The following MRPS7 variants were observed in gnomAD, a reference collection of about 807,000 sequenced individuals.
MRPS7 encodes small ribosomal subunit protein uS7m.
In MRPS7, 13 loss-of-function variants were observed where a neutral mutation model predicts 26.2. The ratio of observed to expected loss-of-function variants is 0.50; its 90% CI spans 0.32 to 0.79. MRPS7 has a LOEUF of 0.79. MRPS7 is among the 30% of genes least tolerant of loss of function. The probability of loss-of-function intolerance (pLI) is 0.03; values close to 1 mark genes in which losing one functional copy is unlikely to be tolerated. For synonymous variants in MRPS7, 129 were observed against 113.3 expected, an observed-to-expected ratio of 1.14 and a Z score of -0.88; for missense variants, 318 against 312.2, an observed-to-expected ratio of 1.02 and a Z score of -0.14.
Position 75,262,881 on chromosome 17 carries a change from C to T in MRPS7, c.339+14C>T, listed in dbSNP as rs762046334. The T allele has an allele frequency of 3.1e-6, 5 of 1,612,998 alleles. No homozygotes were observed. Among genetic ancestry groups the T allele is most frequent in the South Asian group, 2.2e-5 (2 of 91,028 alleles). On this transcript the variant is annotated intron_variant, in intron 3 of 4. Transcript: ENST00000245539. ...CTCATGATTCAGGTAAACAGCACTT[C>T]CCTCCTCAGTCATCTTTCTTGCCCC...
chr17:75,262,378 T>TCG, intron 1 of MRPS7, 119 bp from the exon 2 acceptor site: 1 of 1,138,876 alleles, frequency 8.8e-7, no homozygotes, highest in Non-Finnish European at 1.3e-6. Flanking sequence ...CAGGTTTAGC[T>TCG]CGCGGTCTCC....
chr17:75,262,200 A>G, intron 1 of MRPS7: 2 of 668,984 alleles, frequency 3.0e-6, no homozygotes, highest in East Asian at 2.7e-5. Context: ...CGCGGAGCTG[A>G]AAGTGCGGTT....
chr17:75,265,684 A>G lies in MRPS7; in HGVS notation c.508-18A>G, dbSNP rs779204529. The G allele has an allele frequency of 1.1e-5, 17 of 1,609,620 alleles. No individual in the cohort carries two copies. The highest frequency in any genetic ancestry group is 1.4e-5 in the Non-Finnish European group (17 of 1,176,654). ...GGCAGACTCTTGGACCAACTTGCCT[A>G]TGTCCTGTCTCACCCAGGTCCCTGT... On this transcript the variant is annotated intron_variant, in intron 4 of 4. Transcript: ENST00000245539.
intron 1 of MRPS7, 104 bp from the exon 2 acceptor site, chr17:75,262,393 C>G (rs958804528): frequency 4.6e-6 from 6 of 1,310,362 alleles, no homozygotes; most frequent in Non-Finnish European, 6.4e-6. Flanking sequence ...GTCTCCGCGC[C>G]GCTCCCCCTC....
At position 75,262,624 on chromosome 17, in the gene MRPS7, A is replaced by G. The variant is rs779285429; in HGVS notation, c.211A>G (p.Thr71Ala). The change falls in exon 2 of 5, where the codon ACT (threonine) becomes GCT (alanine). Residue 71 changes from threonine (T) to alanine (A), a missense_variant. Transcript: ENST00000245539. ...EEKYVRELKK[T>A]QLIKAAPAGK... ...GAAATATGTTCGGGAGCTCAAGAAGACTCAGCTCATCAAAGCTGCTCCAGC... is the reference window on the plus strand; with the variant it reads ...GAAATATGTTCGGGAGCTCAAGAAGGCTCAGCTCATCAAAGCTGCTCCAGC... 14 of 1,613,966 alleles carry G rather than the reference A, an allele frequency of 8.7e-6. No homozygotes were observed. The African/African-American group carries it at 9.3e-5, about 11-fold the overall frequency.
In MRPS7 at chr17:75,261,980, C is replaced by T. The variant is rs2077403275; in HGVS notation, c.80C>T (p.Pro27Leu). ...LGVRRAVLQL[P>L]GLTQVRWSRY... ...GTGCGGCGGGCTGTCTTGCAGCTTCCAGGGTGAGAGGGTGGCGAGCAGCGG... is the reference window on the plus strand; with the variant it reads ...GTGCGGCGGGCTGTCTTGCAGCTTCTAGGGTGAGAGGGTGGCGAGCAGCGG... Residue 27 changes from proline (P) to leucine (L), a missense_variant, in exon 1 of 5, where the codon CCA becomes CTA. Physicochemically the swap from Pro to Leu is moderately conservative, Grantham distance 98. Transcript: ENST00000245539. The T allele has an allele frequency of 1.3e-6, 2 of 1,584,390 alleles. No individual in the cohort carries two copies. The highest frequency in any genetic ancestry group is 1.7e-6 in the Non-Finnish European group (2 of 1,173,528).
chr17:75,262,139 G>A (rs1663363767), intron 1 of MRPS7, 156 bp downstream of exon 1: 2 of 888,580 alleles, frequency 2.3e-6, no homozygotes, highest in South Asian at 1.7e-5. Context: ...CCAATCCGAA[G>A]GTTTAGTGAC....
At chr17:75,265,328 G>A (rs890440100) in intron 4 of MRPS7, among the ~76,000 whole-genome samples, 7 of 151,854 alleles carry the variant, frequency 4.6e-5, no homozygotes, top group African/African-American at 1.2e-4. Context: ...GTGAACCATC[G>A]TGCCTGGCCT....
In MRPS7 at chr17:75,265,749, G is replaced by A; in HGVS notation, c.555G>A (p.Lys185=). Residue 185 remains lysine, a synonymous_variant, in exon 5 of 5, where the codon AAG becomes AAA. Coordinates refer to ENST00000245539, the MANE Select transcript of MRPS7 (RefSeq NM_015971.4). ...PDRRRRFLAM[K]WMITECRDKK... ...GGCGTCGCCGCTTCCTAGCCATGAA[G>A]TGGATGATCACTGAGTGCCGGGATA... The A allele has an allele frequency of 6.2e-7, 1 of 1,614,170 alleles. No individual in the cohort carries two copies. Among genetic ancestry groups the A allele is most frequent in the Non-Finnish European group, 8.5e-7 (1 of 1,180,052 alleles).
intron 1 of MRPS7, 71 bp from the exon 2 acceptor site, chr17:75,262,426 C>T (rs2077420699): frequency 6.5e-7 from 1 of 1,530,038 alleles, no homozygotes; most frequent in Non-Finnish European, 8.9e-7. Flanking sequence ...GCAGTCATGC[C>T]TATTGTTAAG....
At position 75,265,866 on chromosome 17, in the gene MRPS7, T is replaced by C; in HGVS notation, c.672T>C (p.His224=). The C allele has an allele frequency of 1.2e-6, 2 of 1,614,096 alleles. No individual in the cohort carries two copies. Among genetic ancestry groups the C allele is most frequent in the Non-Finnish European group, 1.7e-6 (2 of 1,180,034 alleles). The stretch of plus-strand genomic sequence containing the variant: ...AGGGCCCCGTGATCAAGAGGAAGCA[T>C]GACTTGCACAAGATGGCAGAGGCCA... ...HNQGPVIKRK[H]DLHKMAEANR... The change falls in exon 5 of 5, where the codon CAT becomes CAC. Residue 224 remains histidine (H), a synonymous_variant. Transcript: ENST00000245539.
At chr17:75,265,608 G>A (rs2077470434) in intron 4 of MRPS7, 94 bp from the exon 5 acceptor site, 10 of 1,112,122 alleles carry the variant, frequency 9.0e-6, no homozygotes, top group Non-Finnish European at 1.3e-5. Context: ...GGTCCAGAGG[G>A]AACATGTGGC....
At chr17:75,264,775 G>C (rs1266157360) in intron 4 of MRPS7, among the ~76,000 whole-genome samples, 2 of 151,546 alleles carry the variant, frequency 1.3e-5, no homozygotes, top group Non-Finnish European at 2.9e-5. Flanking sequence ...CGCCTCCCGG[G>C]TTCAAGAGAT....
intron 1 of MRPS7, chr17:75,262,281 C>G (rs1567815205): frequency 1.5e-6 from 1 of 656,180 alleles, no homozygotes; most frequent in Non-Finnish European, 2.6e-6. Flanking sequence ...CCCATCCTTA[C>G]CGTTAGCACT....
In MRPS7 at chr17:75,261,916, G is replaced by A; in HGVS notation, c.16G>A (p.Val6Met). Residue 6 changes from valine to methionine, a missense_variant, in exon 1 of 5, where the codon GTG (valine) becomes ATG (methionine). By Grantham distance (21) the Val-to-Met change is conservative. Transcript: ENST00000245539. ...GCCAGCCAAGATGGCTGCCCCCGCA[G>A]TGAAGGTTGCCCGAGGATGGTCGGG... is the stretch of plus-strand genomic sequence containing the variant. The part of the protein sequence containing the change: MAAPA[V>M]KVARGWSGLA... The A allele has an allele frequency of 6.2e-7, 1 of 1,609,162 alleles. No individual in the cohort carries two copies. The highest frequency in any genetic ancestry group is 8.5e-7 in the Non-Finnish European group (1 of 1,179,832).
intron 3 of MRPS7, 109 bp from the exon 4 acceptor site, chr17:75,263,231 C>T: frequency 5.9e-6 from 8 of 1,350,832 alleles, no homozygotes; most frequent in Non-Finnish European, 8.2e-6. Flanking sequence ...AGAGGAGCTG[C>T]ATTGCCAGCG....
In MRPS7 at chr17:75,261,986, G is replaced by A. The variant is rs1598474272; in HGVS notation, c.83+3G>A. The A allele has an allele frequency of 1.3e-6, 2 of 1,556,600 alleles. No individual in the cohort carries two copies. Among genetic ancestry groups the A allele is most frequent in the East Asian group, 4.7e-5 (2 of 42,882 alleles). On this transcript the variant is annotated splice_donor_region_variant and intron_variant, in intron 1 of 4. Coordinates refer to ENST00000245539, the MANE Select transcript of MRPS7 (RefSeq NM_015971.4). ...CGGGCTGTCTTGCAGCTTCCAGGGT[G>A]AGAGGGTGGCGAGCAGCGGCGGGGG...
intron 4 of MRPS7, among the ~76,000 whole-genome samples, chr17:75,265,072 C>T (rs1323523273): frequency 2.6e-5 from 4 of 151,534 alleles, no homozygotes; most frequent in Non-Finnish European, 4.4e-5. Flanking sequence ...GACGAAGTCT[C>T]GCTCTGTTGC....
At position 75,262,584 on chromosome 17, in the gene MRPS7, GCTAA is replaced by G. The variant is rs1371861147; in HGVS notation, c.174_177del (p.Thr59ArgfsTer38). On this transcript the variant is annotated frameshift_variant, in exon 2 of 5. Transcript: ENST00000245539. LOFTEE classifies it high-confidence loss of function. ...AATATTATCGCAAGCCAGTGGAGGA[GCTAA>G]CTGAGGAGGAGAAATATGTTCGGGA... 1.2e-6 allele frequency: 2 copies of G among 1,614,038 alleles called. No individual in the cohort carries two copies. The highest frequency in any genetic ancestry group is 2.2e-5 in the East Asian group (1 of 44,894).
Sources: gnomAD v4.1 joint callset for allele counts (sites outside exome capture counted in the v4.1 genomes callset) on GRCh38, gnomAD v4.1.1 for gene constraint, MANE v1.5 for transcripts, NCBI Gene and HGNC (gene_info 2026-07-23, HGNC 2026-07-21) for gene names.